GRM7: variants seen among roughly 807,000 people sequenced by gnomAD.
The protein encoded by GRM7 is metabotropic glutamate receptor 7.
In GRM7, 35 loss-of-function variants were observed where a neutral mutation model predicts 84.5. That is an observed-to-expected ratio of 0.41 (90% CI 0.32 to 0.55). The LOEUF (loss-of-function observed/expected upper bound fraction) is 0.55, where lower values mean the gene tolerates loss of function less well. Ranked by LOEUF, GRM7 falls within the 20% of genes least tolerant of loss-of-function variation. GRM7 has a pLI of 0.19. For missense variants in GRM7, 1,003 were observed against 1,194.6 expected (o/e 0.84, Z 2.36); for synonymous variants, 487 against 455.1 (o/e 1.07, Z -0.89).
At chr3:7,090,674 G>A (rs1698630169) in intron 1 of GRM7, among the ~76,000 whole-genome samples, 1 of 152,166 alleles carries the variant, frequency 6.6e-6, no homozygotes, top group Non-Finnish European at 1.5e-5. Flanking sequence ...TAGATTCTAT[G>A]AGCATATATA....
chr3:7,423,824 T>C (rs1005583341), intron 5 of GRM7, among the ~76,000 whole-genome samples: 4 of 152,152 alleles, frequency 2.6e-5, no homozygotes, highest in African/African-American at 4.8e-5. Flanking sequence ...CCTGATTCTG[T>C]GAAGAGGAGA....
chr3:7,159,869 G>A (rs1694570192), intron 2 of GRM7, among the ~76,000 whole-genome samples: 1 of 152,074 alleles, frequency 6.6e-6, no homozygotes, highest in South Asian at 2.1e-4. Context: ...AAAATCAGTG[G>A]TGACATGAGG....
At chr3:7,167,943 T>C (rs1445149099) in intron 2 of GRM7, among the ~76,000 whole-genome samples, 1 of 121,766 alleles carries the variant, frequency 8.2e-6, no homozygotes, top group Admixed American at 1.2e-4. Context: ...CACTCTAGTC[T>C]AGCCTGGGCG....
chr3:6,909,549 A>C (rs140395969), intron 1 of GRM7, among the ~76,000 whole-genome samples: 204 of 152,234 alleles, frequency 1.3e-3, no homozygotes, highest in Non-Finnish European at 2.4e-3. Context: ...AGATGGGTGG[A>C]TCAATTGTTG....
chr3:7,656,552 C>T, intron 8 of GRM7, among the ~76,000 whole-genome samples: 1 of 130,078 alleles, frequency 7.7e-6, no homozygotes, highest in Non-Finnish European at 1.6e-5. Flanking sequence ...CGCGCGCACA[C>T]ACACACACAC....
At chr3:7,281,454 T>C (rs1341097580) in intron 2 of GRM7, among the ~76,000 whole-genome samples, 1 of 152,154 alleles carries the variant, frequency 6.6e-6, no homozygotes, top group Non-Finnish European at 1.5e-5. Flanking sequence ...TTCTATCCCC[T>C]TTTCCCTAGA....
intron 8 of GRM7, among the ~76,000 whole-genome samples, chr3:7,582,772 T>C (rs1695322991): frequency 6.6e-6 from 1 of 152,120 alleles, no homozygotes; most frequent in Non-Finnish European, 1.5e-5. Context: ...GATTCTTACC[T>C]CAGTGGTTCT....
At chr3:7,520,712 C>T (rs569934216) in intron 7 of GRM7, among the ~76,000 whole-genome samples, 1 of 152,252 alleles carries the variant, frequency 6.6e-6, no homozygotes, top group South Asian at 2.1e-4. Flanking sequence ...AATGTTGTTA[C>T]ACAGACAACT....
chr3:7,731,146 G>T (rs909469611), intron 9 of GRM7, among the ~76,000 whole-genome samples: 2 of 150,900 alleles, frequency 1.3e-5, no homozygotes, highest in Non-Finnish European at 2.9e-5. Context: ...ACTGAAAATT[G>T]ATTTCTCAAT....
intron 1 of GRM7, among the ~76,000 whole-genome samples, chr3:6,867,781 A>G (rs997644459): frequency 2.0e-5 from 3 of 152,224 alleles, no homozygotes; most frequent in Non-Finnish European, 2.9e-5. Flanking sequence ...GTCAATATAT[A>G]TGTTTTCTGC....
intron 1 of GRM7, among the ~76,000 whole-genome samples, chr3:6,905,729 T>C (rs78985991): frequency 0.1 from 15,239 of 152,242 alleles, 887 homozygotes; most frequent in Non-Finnish European, 0.14. Flanking sequence ...GTTACACATA[T>C]ACATAATTTT....
intron 9 of GRM7, among the ~76,000 whole-genome samples, chr3:7,704,948 A>T (rs1701339290): frequency 6.6e-6 from 1 of 152,188 alleles, no homozygotes; most frequent in Non-Finnish European, 1.5e-5. Context: ...AACTATAGAA[A>T]ACCTGGGACA....
intron 4 of GRM7, among the ~76,000 whole-genome samples, chr3:7,339,361 G>T (rs756740841): frequency 2.6e-5 from 4 of 152,096 alleles, no homozygotes; most frequent in Non-Finnish European, 4.4e-5. Flanking sequence ...TAAGACATGG[G>T]AAATACACCC....
intron 5 of GRM7, among the ~76,000 whole-genome samples, chr3:7,449,981 T>C (rs1417199927): frequency 6.6e-6 from 1 of 152,008 alleles, no homozygotes; most frequent in Admixed American, 6.6e-5. Flanking sequence ...AATGAATAAA[T>C]TTTTATTTGG....
intron 1 of GRM7, among the ~76,000 whole-genome samples, chr3:7,125,286 A>G (rs1223894300): frequency 6.6e-6 from 1 of 152,150 alleles, no homozygotes; most frequent in Non-Finnish European, 1.5e-5. Flanking sequence ...CAGTCACTCA[A>G]TAGACTGAGG....
In GRM7 at chr3:7,641,152, T is replaced by C. The variant is rs114126229; in HGVS notation, c.2452-38897T>C. ...TTGCAAATGAAGCAGTAAACTCAAT[T>C]TCTTCCTACTTCTTCCAAAAACTCT... On this transcript the variant is annotated intron_variant, in intron 8 of 9. Transcript: ENST00000357716. 6.9e-3 allele frequency among the ~76,000 whole-genome samples: 1,052 copies of C among 152,272 alleles called. 11 individuals carry two copies. The highest frequency in any genetic ancestry group is 0.023 in the African/African-American group (972 of 41,560).
chr3:7,119,380 A>G (rs114773213), intron 1 of GRM7, among the ~76,000 whole-genome samples: 530 of 152,246 alleles, frequency 3.5e-3, no homozygotes, highest in Middle Eastern at 0.01. Flanking sequence ...CTGGGTATCA[A>G]TGATCTATTC....
chr3:7,386,146 G>T (rs960562054), intron 4 of GRM7, among the ~76,000 whole-genome samples: 1 of 152,174 alleles, frequency 6.6e-6, no homozygotes, highest in South Asian at 2.1e-4. Context: ...TGGTAAAGGG[G>T]ATAGCTCTTG....
intron 1 of GRM7, among the ~76,000 whole-genome samples, chr3:6,914,092 T>G (rs2125021474): frequency 6.6e-6 from 1 of 152,296 alleles, no homozygotes; most frequent in African/African-American, 2.4e-5. Context: ...TATCCCCATT[T>G]CTCTGCCTAG....
Sources: allele counts gnomAD v4.1 joint callset (sites outside exome capture counted in the v4.1 genomes callset), GRCh38; gene constraint gnomAD v4.1.1; transcripts MANE v1.5; gene names NCBI Gene and HGNC (gene_info 2026-07-23, HGNC 2026-07-21).